SOX6: variants seen among roughly 807,000 people sequenced by gnomAD.
The protein encoded by SOX6 is SRY-box transcription factor 6.
SOX6 carries 11 observed loss-of-function variants against 97.8 expected under a neutral mutation model. That is an observed-to-expected ratio of 0.11 (90% CI 0.07 to 0.19). The LOEUF (loss-of-function observed/expected upper bound fraction) is 0.19, where lower values mean the gene tolerates loss of function less well. SOX6 is among the 10% of genes least tolerant of loss of function. SOX6 has a pLI of 1.00. For missense variants in SOX6, 810 were observed against 1,039.5 expected, an observed-to-expected ratio of 0.78 and a Z score of 3.04; for synonymous variants, 360 against 371.4, an observed-to-expected ratio of 0.97 and a Z score of 0.35.
At chr11:16,379,556 C>T (rs1857747120) in intron 1 of SOX6, among the ~76,000 whole-genome samples, 1 of 151,928 alleles carries the variant, frequency 6.6e-6, no homozygotes, top group Non-Finnish European at 1.5e-5. Flanking sequence ...AATAAGATGC[C>T]ATTTTCTAGT....
chr11:16,426,652 C>T (rs770367292), intron 1 of SOX6, among the ~76,000 whole-genome samples: 31 of 151,960 alleles, frequency 2.0e-4, no homozygotes, highest in African/African-American at 4.8e-4. Context: ...CGGTGGCTCA[C>T]GCCTGTAATC....
intron 1 of SOX6, among the ~76,000 whole-genome samples, chr11:16,439,580 C>A (rs1385007187): frequency 4.6e-5 from 7 of 152,162 alleles, no homozygotes; most frequent in Non-Finnish European, 8.8e-5. Context: ...ATAAATTACA[C>A]AGCTACAGCA....
chr11:16,247,691 C>T (rs961049610), intron 3 of SOX6, among the ~76,000 whole-genome samples: 6 of 152,224 alleles, frequency 3.9e-5, no homozygotes, highest in Non-Finnish European at 7.4e-5. Flanking sequence ...AATTACCTCC[C>T]ACCAGGTCCC....
At chr11:16,484,215 G>A in intron 4 of SOX6, 1 of 823,764 alleles carries the variant, frequency 1.2e-6, no homozygotes, top group Admixed American at 1.7e-5. Context: ...GCTTTCACCA[G>A]CCCTTCATCC....
intron 1 of SOX6, among the ~76,000 whole-genome samples, chr11:16,428,007 T>C (rs1233122695): frequency 1.3e-5 from 2 of 152,220 alleles, no homozygotes; most frequent in African/African-American, 4.8e-5. Flanking sequence ...TCCTGACTTT[T>C]TAATGCTCAC....
At chr11:16,275,736 C>T (rs926002458) in intron 3 of SOX6, among the ~76,000 whole-genome samples, 4 of 152,088 alleles carry the variant, frequency 2.6e-5, no homozygotes, top group Non-Finnish European at 5.9e-5. Flanking sequence ...CACATAGAAA[C>T]CATATATGCA....
At position 15,988,667 on chromosome 11, in the gene SOX6, C is replaced by T. The variant is rs191116547; in HGVS notation, c.1966+330G>A. Among the ~76,000 whole-genome samples the T allele has an allele frequency of 4.4e-3, 667 of 152,296 alleles. 11 individuals are homozygous for T. Among genetic ancestry groups the T allele is most frequent in the Non-Finnish European group, 6.8e-4 (46 of 68,028 alleles). On this transcript the variant is annotated intron_variant, in intron 14 of 15. Transcript: ENST00000683767. ...TAAAAGGAGATAAAGCTTGTCTCCA[C>T]GATTCTTGTTTAGCAGTGACCTCTC...
At chr11:16,614,957 A>G (rs918042832) in intron 3 of SOX6, among the ~76,000 whole-genome samples, 2 of 152,232 alleles carry the variant, frequency 1.3e-5, no homozygotes, top group African/African-American at 4.8e-5. Flanking sequence ...TAATGGTATA[A>G]ATTAAAAATT....
At chr11:15,977,665 G>C (rs747375927) in intron 15 of SOX6, among the ~76,000 whole-genome samples, 1 of 151,984 alleles carries the variant, frequency 6.6e-6, no homozygotes, top group Admixed American at 6.6e-5. Flanking sequence ...CCACACAGCT[G>C]AACTTGGCTG....
chr11:16,715,952 G>A (rs1458751832), intron 2 of SOX6, among the ~76,000 whole-genome samples: 1 of 152,138 alleles, frequency 6.6e-6, no homozygotes, highest in Admixed American at 6.6e-5. Context: ...AAGCATTAGA[G>A]GCCAGACACG....
At chr11:16,304,880 G>A (rs1011871596) in intron 3 of SOX6, among the ~76,000 whole-genome samples, 7 of 151,986 alleles carry the variant, frequency 4.6e-5, no homozygotes, top group African/African-American at 1.4e-4. Context: ...CAAAAGAAAT[G>A]AGCCTTGACT....
At position 16,145,061 on chromosome 11, in the gene SOX6, C is replaced by A. The variant is rs182044608; in HGVS notation, c.778-33138G>T. Among the ~76,000 whole-genome samples, 1,378 of 152,060 alleles carry A rather than the reference C, an allele frequency of 9.1e-3. 16 individuals carry two copies. Among genetic ancestry groups the A allele is most frequent in the South Asian group, 0.028 (137 of 4,824 alleles). On this transcript the variant is annotated intron_variant, in intron 6 of 15. Transcript: ENST00000683767. Reference sequence around the variant, plus strand: ...AGACACAACAAAAAAAGAGAATTTTCGACCAATATCCCTGATGAACATCAA... The same window carrying A: ...AGACACAACAAAAAAAGAGAATTTTAGACCAATATCCCTGATGAACATCAA...
At chr11:16,680,796 A>AG (rs1847921352) in intron 3 of SOX6, among the ~76,000 whole-genome samples, 1 of 152,226 alleles carries the variant, frequency 6.6e-6, no homozygotes, top group Admixed American at 6.5e-5. Context: ...AAAAAAACGC[A>AG]GGGGCTGCAA....
intron 6 of SOX6, among the ~76,000 whole-genome samples, chr11:16,173,593 A>G (rs2134087249): frequency 7.2e-6 from 1 of 138,104 alleles, no homozygotes; most frequent in South Asian, 2.5e-4. Flanking sequence ...TTTTTTTTTA[A>G]ACTACTAGAA....
intron 2 of SOX6, among the ~76,000 whole-genome samples, chr11:16,327,214 T>C (rs912840801): frequency 6.6e-6 from 1 of 152,198 alleles, no homozygotes; most frequent in Non-Finnish European, 1.5e-5. Context: ...AGGATAGAGC[T>C]ATAATTATAT....
intron 1 of SOX6, among the ~76,000 whole-genome samples, chr11:16,382,975 T>C (rs993701590): frequency 6.6e-6 from 1 of 151,884 alleles, no homozygotes; most frequent in Non-Finnish European, 1.5e-5. Context: ...TCATGGATAA[T>C]TTGAAGTATA....
intron 1 of SOX6, among the ~76,000 whole-genome samples, chr11:16,349,450 T>A (rs1856851810): frequency 2.0e-5 from 3 of 151,546 alleles, no homozygotes; most frequent in Admixed American, 1.3e-4. Flanking sequence ...AACCTGTCTC[T>A]ACTAAAAATA....
chr11:16,350,585 G>A (rs1856916269), intron 1 of SOX6, among the ~76,000 whole-genome samples: 2 of 152,152 alleles, frequency 1.3e-5, no homozygotes, highest in African/African-American at 4.8e-5. Flanking sequence ...ATCAATTCCT[G>A]AAATTATACT....
At chr11:15,975,020 C>T (rs527389807) in intron 15 of SOX6, among the ~76,000 whole-genome samples, 4 of 152,290 alleles carry the variant, frequency 2.6e-5, no homozygotes, top group African/African-American at 7.2e-5. Flanking sequence ...GATATTCAAT[C>T]TACAGATACA....
Sources: gnomAD v4.1 joint callset for allele counts (sites outside exome capture counted in the v4.1 genomes callset) on GRCh38, gnomAD v4.1.1 for gene constraint, MANE v1.5 for transcripts, NCBI Gene and HGNC (gene_info 2026-07-23, HGNC 2026-07-21) for gene names.